PTPRA: variants seen among roughly 807,000 people sequenced by gnomAD.
The protein encoded by PTPRA is receptor-type tyrosine-protein phosphatase alpha.
Under a neutral mutation model 104.8 loss-of-function variants are expected in PTPRA, and 25 were observed. That is an observed-to-expected ratio of 0.24 (90% CI 0.17 to 0.33). The LOEUF is 0.33. PTPRA is among the 10% of genes least tolerant of loss of function. The pLI is 1.00. For synonymous variants in PTPRA, 323 were observed against 368.9 expected (o/e 0.88, Z 1.43); for missense variants, 765 against 1,015.3 (o/e 0.75, Z 3.35).
At position 3,022,935 on chromosome 20, in the gene PTPRA, G is replaced by A; in HGVS notation, c.1464+111G>A. 1.3e-6 allele frequency: 2 copies of A among 1,485,884 alleles called. No homozygotes were observed. Among genetic ancestry groups the A allele is most frequent in the African/African-American group, 1.4e-5 (1 of 72,150 alleles). 92.0% of individuals were successfully genotyped at this position (1,485,884 alleles called of 1,614,324 possible). On this transcript the variant is annotated intron_variant, in intron 16 of 23. Transcript: ENST00000399903. The surrounding 1 kb of genome is among the most constrained non-coding windows in gnomAD (Gnocchi z 4.6). ...TTATTGTAAATGATTACTATAGAGT[G>A]TGATTGTGGGGGAAAGAAAGATAGA...
rs570196890 is a variant in PTPRA, at chr20:2,945,853, C to G, written c.-49-2129C>G. 2.4e-4 allele frequency among the ~76,000 whole-genome samples: 37 copies of G among 151,678 alleles called. No individual in the cohort carries two copies. In the East Asian group the frequency reaches 5.8e-3, roughly 24 times the overall value. On this transcript the variant is annotated intron_variant, in intron 2 of 23. Transcript: ENST00000399903. ...CTGCGGCATGACAGTCACTCAAGCC[C>G]GGGAGGTAGAGGTTGCAGTGAGCTG...
intron 2 of PTPRA, among the ~76,000 whole-genome samples, chr20:2,927,417 TA>T (rs1483351088): frequency 6.6e-6 from 1 of 152,234 alleles, no homozygotes; most frequent in African/African-American, 2.4e-5. Context: ...AACTTTCTCA[TA>T]AAATTTTCTC....
intron 11 of PTPRA, among the ~76,000 whole-genome samples, chr20:3,013,254 A>G (rs893628443): frequency 2.6e-5 from 4 of 152,152 alleles, no homozygotes; most frequent in African/African-American, 9.7e-5. Flanking sequence ...GGCCTAGGAA[A>G]GTGGGGTCTG....
the PTPRA span, chr20:2,865,552 G>C: frequency 6.6e-7 from 1 of 1,506,536 alleles, no homozygotes; most frequent in African/African-American, 1.4e-5. The surrounding 1 kb of genome is among the most constrained non-coding windows in gnomAD (Gnocchi z 5.2). Flanking sequence ...TCGGGAGAGA[G>C]GGCTAGGCAG....
At chr20:2,975,131 G>C (rs2062376474) in intron 5 of PTPRA, 84 bp from the exon 6 acceptor site, 2 of 1,214,636 alleles carry the variant, frequency 1.6e-6, no homozygotes, top group African/African-American at 1.5e-5. Context: ...CCTAATCCTG[G>C]AGCTTGTTTT....
chr20:3,032,770 A>AG (rs1316237679), intron 20 of PTPRA, among the ~76,000 whole-genome samples: 1 of 151,780 alleles, frequency 6.6e-6, no homozygotes, highest in Non-Finnish European at 1.5e-5. Flanking sequence ...ATCTCAAAAA[A>AG]AAAAAAAAAA....
intron 1 of PTPRA, among the ~76,000 whole-genome samples, chr20:2,894,107 A>AC (rs1187682689): frequency 1.3e-5 from 2 of 152,192 alleles, no homozygotes; most frequent in South Asian, 2.1e-4. Flanking sequence ...GCCATAGAAC[A>AC]TAATAGTTAT....
intron 9 of PTPRA, among the ~76,000 whole-genome samples, chr20:3,003,415 A>G (rs2063723722): frequency 6.6e-6 from 1 of 152,226 alleles, no homozygotes; most frequent in Admixed American, 6.5e-5. Flanking sequence ...TCCTAAGGGT[A>G]TGTTCTCAAA....
At chr20:2,970,434 G>T (rs1010837000) in intron 5 of PTPRA, among the ~76,000 whole-genome samples, 5 of 152,156 alleles carry the variant, frequency 3.3e-5, no homozygotes, top group Non-Finnish European at 5.9e-5. Context: ...TAACATCTCA[G>T]TGTAAGTTTA....
At position 2,923,213 on chromosome 20, in the gene PTPRA, C is replaced by G; in HGVS notation, c.-122C>G. On this transcript the variant is annotated 5_prime_UTR_variant, in exon 2 of 24. Transcript: ENST00000399903. ...ATTTTTCCTTTTGTTGCAGGTGACA[C>G]AACTAAAAAAAAACAAAGGTATTTA... The G allele has an allele frequency of 8.2e-7, 1 of 1,219,362 alleles. No individual in the cohort carries two copies. The highest frequency in any genetic ancestry group is 1.1e-6 in the Non-Finnish European group (1 of 936,994). The allele number at this position is 1,219,362 out of a possible 1,614,324, so 75.5% of individuals were successfully genotyped here.
chr20:3,032,596 T>C (rs1317477145), intron 20 of PTPRA, among the ~76,000 whole-genome samples: 1 of 151,730 alleles, frequency 6.6e-6, no homozygotes, highest in Non-Finnish European at 1.5e-5. Flanking sequence ...CAAAACCCCA[T>C]CTCTACTAAA....
chr20:3,029,538 A>ATTTTTTTTTTTTTTT (rs1390310900), intron 20 of PTPRA, among the ~76,000 whole-genome samples: 12 of 35,634 alleles, frequency 3.4e-4, no homozygotes, highest in African/African-American at 1.7e-3. Context: ...GGTCTTCATC[A>ATTTTTTTTTTTTTTT]TCTTTTTTTT....
At chr20:2,980,488 T>C (rs933579497) in intron 6 of PTPRA, among the ~76,000 whole-genome samples, 22 of 151,836 alleles carry the variant, frequency 1.4e-4, no homozygotes, top group African/African-American at 5.3e-4. Context: ...AGGAGGCCGT[T>C]GCAGTGAACC....
At chr20:2,891,084 T>C (rs1174051123) in intron 1 of PTPRA, among the ~76,000 whole-genome samples, 1 of 152,226 alleles carries the variant, frequency 6.6e-6, no homozygotes, top group African/African-American at 2.4e-5. Context: ...TGACCCAAAC[T>C]GGAAACTTGA....
chr20:3,037,306 T>C lies in PTPRA; in HGVS notation c.2334+17T>C, dbSNP rs749734161. On this transcript the variant is annotated intron_variant, in intron 23 of 23. Transcript: ENST00000399903. This position sits in a 1 kb window ranked among gnomAD's most constrained non-coding sequence, Gnocchi z 4.3. Reference sequence around the variant, plus strand: ...CAGACACTGGTATGCTGCCCACATATTTGTCCCTGCCACCACACCACCTGC... The same window carrying C: ...CAGACACTGGTATGCTGCCCACATACTTGTCCCTGCCACCACACCACCTGC... 10 of 1,612,872 alleles carry C rather than the reference T, an allele frequency of 6.2e-6. No homozygotes were observed. The highest frequency in any genetic ancestry group is 8.5e-6 in the Non-Finnish European group (10 of 1,179,470).
intron 2 of PTPRA, among the ~76,000 whole-genome samples, chr20:2,945,738 T>C (rs2061103519): frequency 6.6e-6 from 1 of 151,756 alleles, no homozygotes; most frequent in Non-Finnish European, 1.5e-5. Context: ...AGGCCAGCCT[T>C]GCCAACATGG....
intron 2 of PTPRA, among the ~76,000 whole-genome samples, chr20:2,941,081 A>C (rs1182553077): frequency 2.0e-5 from 3 of 150,456 alleles, no homozygotes; most frequent in Non-Finnish European, 3.0e-5. Context: ...CCCAGGCTGG[A>C]GTTCAGTGGC....
intron 1 of PTPRA, among the ~76,000 whole-genome samples, chr20:2,880,062 G>A (rs947151313): frequency 1.3e-5 from 2 of 152,242 alleles, no homozygotes; most frequent in Non-Finnish European, 2.9e-5. Context: ...AAGGAGCAGA[G>A]TTGAGGGTCC....
intron 9 of PTPRA, 111 bp from the exon 10 acceptor site, chr20:3,004,945 T>TC (rs369335159): frequency 2.1e-6 from 2 of 954,550 alleles, no homozygotes; most frequent in East Asian, 2.4e-5. Flanking sequence ...CCCATGTTTT[T>TC]CCCCCCAGGA....
Sources: allele counts gnomAD v4.1 joint callset (sites outside exome capture counted in the v4.1 genomes callset), GRCh38; gene constraint gnomAD v4.1.1; non-coding constraint Gnocchi (gnomAD v3.1); transcripts MANE v1.5; gene names NCBI Gene and HGNC (gene_info 2026-07-23, HGNC 2026-07-21).